KBTBD8: variants seen among roughly 807,000 people sequenced by gnomAD.
KBTBD8 encodes kelch repeat and BTB domain containing 8.
In KBTBD8, 31 loss-of-function variants were observed where a neutral mutation model predicts 53.5. That is an observed-to-expected ratio of 0.58 (90% CI 0.44 to 0.78). KBTBD8 has a LOEUF of 0.78. KBTBD8 is among the 30% of genes least tolerant of loss of function. The pLI is 0.00. For synonymous variants in KBTBD8, 250 were observed against 247.3 expected (o/e 1.01, Z -0.10); for missense variants, 642 against 735.8 (o/e 0.87, Z 1.48).
chr3:67,008,313 C>G lies in KBTBD8; in HGVS notation c.1734C>G (p.Leu578=). Residue 578 remains leucine, a synonymous_variant, in exon 4 of 4, where the codon CTC becomes CTG. Transcript: ENST00000417314. ...AAGTGTATGAGACCCCAGATCGGCT[C>G]TGGGACCTTGGCCGGCATTTTGAAT... The part of the protein sequence containing the change: ...WMKVYETPDR[L]WDLGRHFECA... The G allele has an allele frequency of 6.2e-7, 1 of 1,613,636 alleles. No individual in the cohort carries two copies. Among genetic ancestry groups the G allele is most frequent in the Non-Finnish European group, 8.5e-7 (1 of 1,179,974 alleles).
At chr3:67,002,739 G>A (rs1207201391) in intron 2 of KBTBD8, among the ~76,000 whole-genome samples, 1 of 151,838 alleles carries the variant, frequency 6.6e-6, no homozygotes, top group South Asian at 2.1e-4. Flanking sequence ...GACCTTATGT[G>A]ATCCACCCAC....
chr3:67,007,318 TG>T (rs1702076564), intron 3 of KBTBD8, among the ~76,000 whole-genome samples: 1 of 134,644 alleles, frequency 7.4e-6, no homozygotes, highest in Non-Finnish European at 1.6e-5. Flanking sequence ...ATCAAGTTTG[TG>T]TTTTTTTTTT....
At position 67,010,928 on chromosome 3, in the gene KBTBD8, A is replaced by G. The variant is rs1254447967; in HGVS notation, c.*2543A>G. The G allele has an allele frequency of 1.3e-5, 2 of 152,566 alleles. No individual in the cohort carries two copies. Among genetic ancestry groups the G allele is most frequent in the South Asian group, 2.1e-4 (1 of 4,828 alleles). The allele number at this position is 152,566 out of a possible 1,614,324, so 9.5% of individuals were successfully genotyped here. A position where few individuals can be genotyped will look rare whatever the true frequency, so the allele number is the denominator to read the frequency against. ...TAGGAAAGTAGAAATTGTATTCTTT[A>G]TTTTCCATCTTTGTTTTCTGTTCTA... On this transcript the variant is annotated 3_prime_UTR_variant, in exon 4 of 4. Coordinates refer to ENST00000417314, the MANE Select transcript of KBTBD8 (RefSeq NM_032505.3).
chr3:66,998,438 C>A (rs1289265543), intron 1 of KBTBD8, 67 bp downstream of exon 1: 4 of 1,181,928 alleles, frequency 3.4e-6, no homozygotes, highest in Non-Finnish European at 4.4e-6. Context: ...GGGCCGGCCA[C>A]AGGCAGTGGG....
intron 1 of KBTBD8, 155 bp from the exon 2 acceptor site, chr3:66,998,825 AC>A (rs1053918131): frequency 1.6e-6 from 1 of 644,622 alleles, no homozygotes; most frequent in Non-Finnish European, 2.7e-6. Context: ...CAGATCCTTA[AC>A]TCGCGGTCCC....
chr3:67,010,773 C>T lies in KBTBD8; in HGVS notation c.*2388C>T, dbSNP rs1208663272. 1 of 152,514 alleles carries T rather than the reference C, an allele frequency of 6.6e-6. No homozygotes were observed. Among genetic ancestry groups the T allele is most frequent in the Non-Finnish European group, 1.5e-5 (1 of 68,000 alleles). 9.4% of individuals were successfully genotyped at this position (152,514 alleles called of 1,614,324 possible). On this transcript the variant is annotated 3_prime_UTR_variant, in exon 4 of 4. Transcript: ENST00000417314. ...TAAGTAAAAGGCACAATGGGTACTA[C>T]AGAATTAAAATGTAGGTCTAACATA...
Position 66,998,319 on chromosome 3 carries a change from C to G in KBTBD8, c.-37C>G. 7.7e-7 allele frequency: 1 copy of G among 1,296,776 alleles called. No individual in the cohort carries two copies. The highest frequency in any genetic ancestry group is 9.9e-7 in the Non-Finnish European group (1 of 1,014,230). 80.3% of individuals were successfully genotyped at this position (1,296,776 alleles called of 1,614,324 possible). The stretch of plus-strand genomic sequence containing the variant: ...GAGCTAGAGAAGCGAAATGACATTT[C>G]CTTTTTAAATAGCTGGAGTCGGGGC... On this transcript the variant is annotated 5_prime_UTR_variant, in exon 1 of 4. Coordinates refer to ENST00000417314, the MANE Select transcript of KBTBD8 (RefSeq NM_032505.3).
intron 3 of KBTBD8, among the ~76,000 whole-genome samples, chr3:67,004,602 C>T (rs925202069): frequency 2.0e-5 from 3 of 152,038 alleles, no homozygotes; most frequent in African/African-American, 2.4e-5. Flanking sequence ...AATAATAGTT[C>T]GGCATTTTGG....
Position 67,007,927 on chromosome 3 carries a change from T to TG in KBTBD8, c.1348_1349insG (p.Phe450CysfsTer6), listed in dbSNP as rs762867944. 6.7e-7 allele frequency: 1 copy of TG among 1,486,944 alleles called. No individual in the cohort carries two copies. Among genetic ancestry groups the TG allele is most frequent in the Non-Finnish European group, 9.0e-7 (1 of 1,109,622 alleles). 92.1% of individuals were successfully genotyped at this position (1,486,944 alleles called of 1,614,324 possible). A position where few individuals can be genotyped will look rare whatever the true frequency, so the allele number is the denominator to read the frequency against. On this transcript the variant is annotated frameshift_variant, in exon 4 of 4. Coordinates refer to ENST00000417314, the MANE Select transcript of KBTBD8 (RefSeq NM_032505.3). LOFTEE classifies it high-confidence loss of function. The stretch of plus-strand genomic sequence containing the variant: ...TTTCTTTTTTTTTTTTTTAGGAGAA[T>TG]TTTTTCTCTTCTATGAGCCTCAAAA...
intron 2 of KBTBD8, among the ~76,000 whole-genome samples, chr3:67,000,736 AAAC>A (rs1269486882): frequency 1.3e-5 from 2 of 152,184 alleles, no homozygotes; most frequent in African/African-American, 4.8e-5. Flanking sequence ...AAACAAAACA[AAAC>A]AAAAACTGCA....
In KBTBD8 at chr3:67,009,315, C is replaced by G. The variant is rs889762066; in HGVS notation, c.*930C>G. On this transcript the variant is annotated 3_prime_UTR_variant, in exon 4 of 4. Coordinates refer to ENST00000417314, the MANE Select transcript of KBTBD8 (RefSeq NM_032505.3). ...TCTTAGAATAGTAGGAACATTATAC[C>G]CAGTTTGCACTAACATGGGCCATTT... is the stretch of plus-strand genomic sequence containing the variant. 2.0e-5 allele frequency: 3 copies of G among 152,520 alleles called. No individual in the cohort carries two copies. Among genetic ancestry groups the G allele is most frequent in the Admixed American group, 2.0e-4 (3 of 15,260 alleles). The allele number at this position is 152,520 out of a possible 1,614,324, so 9.4% of individuals were successfully genotyped here.
At position 67,003,317 on chromosome 3, in the gene KBTBD8, A is replaced by C; in HGVS notation, c.350A>C (p.Glu117Ala). Residue 117 changes from glutamate (E) to alanine (A), a missense_variant, in exon 3 of 4, where the codon GAG becomes GCG. Coordinates refer to ENST00000417314, the MANE Select transcript of KBTBD8 (RefSeq NM_032505.3). ...TACACTTCCAGAGTTATTCTTACAG[A>C]GGCCAATGTTCAAGCCTTGTTCACT... ...YAYTSRVILT[E>A]ANVQALFTAA... is the part of the protein sequence containing the mutation. The C allele has an allele frequency of 6.2e-7, 1 of 1,614,192 alleles. No homozygotes were observed. The highest frequency in any genetic ancestry group is 1.6e-4 in the Middle Eastern group (1 of 6,062).
chr3:67,008,589 A>G lies in KBTBD8; in HGVS notation c.*204A>G, dbSNP rs1056692341. The G allele has an allele frequency of 1.4e-5, 7 of 502,458 alleles. No individual in the cohort carries two copies. Among genetic ancestry groups the G allele is most frequent in the Non-Finnish European group, 2.1e-5 (6 of 285,022 alleles). The allele number at this position is 502,458 out of a possible 1,614,324, so 31.1% of individuals were successfully genotyped here. ...AGTAAGGAAAAGATAACAAAGTGCA[A>G]TTATCAGCATTTTTTTTTCCTGGCA... is the stretch of plus-strand genomic sequence containing the variant. On this transcript the variant is annotated 3_prime_UTR_variant, in exon 4 of 4. Transcript: ENST00000417314.
Position 66,999,182 on chromosome 3 carries a change from C to G in KBTBD8, c.218C>G (p.Pro73Arg). 6.2e-7 allele frequency: 1 copy of G among 1,614,006 alleles called. No individual in the cohort carries two copies. Among genetic ancestry groups the G allele is most frequent in the Non-Finnish European group, 8.5e-7 (1 of 1,179,854 alleles). ...CHRNVLAAIS[P>R]YFRSMFTSGL... ...AGAAACGTTCTTGCTGCAATCAGCC[C>G]TTACTTCAGGTATGATGATGGTAGG... The change falls in exon 2 of 4, where the codon CCT becomes CGT. Residue 73 changes from proline to arginine, a missense_variant. Physicochemically the swap from Pro to Arg is moderately radical, Grantham distance 103. Coordinates refer to ENST00000417314, the MANE Select transcript of KBTBD8 (RefSeq NM_032505.3).
At chr3:67,007,609 G>A (rs1180071177) in intron 3 of KBTBD8, among the ~76,000 whole-genome samples, 2 of 152,064 alleles carry the variant, frequency 1.3e-5, no homozygotes, top group African/African-American at 4.8e-5. Context: ...GTGAGCCACT[G>A]TGCCTGGCCA....
chr3:67,010,953 A>G lies in KBTBD8; in HGVS notation c.*2568A>G, dbSNP rs1251223659. On this transcript the variant is annotated 3_prime_UTR_variant, in exon 4 of 4. Transcript: ENST00000417314. ...ATTTTCCATCTTTGTTTTCTGTTCT[A>G]CAAAGTTGATGCTTAAGCATCAAGC... 1 of 152,608 alleles carries G rather than the reference A, an allele frequency of 6.6e-6. No homozygotes were observed. Among genetic ancestry groups the G allele is most frequent in the East Asian group, 1.9e-4 (1 of 5,194 alleles). 9.5% of individuals were successfully genotyped at this position (152,608 alleles called of 1,614,324 possible). A position where few individuals can be genotyped will look rare whatever the true frequency, so the allele number is the denominator to read the frequency against.
At position 66,999,093 on chromosome 3, in the gene KBTBD8, C is replaced by T. The variant is rs1701991774; in HGVS notation, c.129C>T (p.Tyr43=). The part of the protein sequence containing the change: ...CSILKQLKTM[Y]DEGQLTDIVV... ...TTCTTAAGCAACTCAAAACAATGTA[C>T]GATGAAGGACAGTTGACAGACATTG... The change falls in exon 2 of 4, where the codon TAC becomes TAT. Residue 43 remains tyrosine (Y), a synonymous_variant. Coordinates refer to ENST00000417314, the MANE Select transcript of KBTBD8 (RefSeq NM_032505.3). The T allele has an allele frequency of 5.6e-6, 9 of 1,614,042 alleles. No homozygotes were observed. The East Asian group carries it at 1.3e-4, about 24-fold the overall frequency.
chr3:67,001,643 C>A (rs894689437), intron 2 of KBTBD8, among the ~76,000 whole-genome samples: 1 of 152,116 alleles, frequency 6.6e-6, no homozygotes, highest in African/African-American at 2.4e-5. Context: ...GTGAGTCTTT[C>A]AGCACCTGAA....
rs550981635 is a variant in KBTBD8, at chr3:67,008,249, C to G, written c.1670C>G (p.Ser557Cys). Reference protein sequence around the residue: ...EHVFRTSRKNSLYQYDDIADQ... With the variant: ...EHVFRTSRKNCLYQYDDIADQ... Reference sequence around the variant, plus strand: ...GTCTTCAGAACCAGCAGAAAAAATTCCCTTTACCAATATGATGACATTGCT... The same window carrying G: ...GTCTTCAGAACCAGCAGAAAAAATTGCCTTTACCAATATGATGACATTGCT... Residue 557 changes from serine to cysteine, a missense_variant, in exon 4 of 4, where the codon TCC (serine) becomes TGC (cysteine). Coordinates refer to ENST00000417314, the MANE Select transcript of KBTBD8 (RefSeq NM_032505.3). 5.0e-6 allele frequency: 8 copies of G among 1,614,036 alleles called. No individual in the cohort carries two copies. The Admixed American group carries it at 1.2e-4, about 24-fold the overall frequency.
Sources: allele counts gnomAD v4.1 joint callset (sites outside exome capture counted in the v4.1 genomes callset), GRCh38; gene constraint gnomAD v4.1.1; transcripts MANE v1.5; gene names NCBI Gene and HGNC (gene_info 2026-07-23, HGNC 2026-07-21).